Variants in CHN2 observed in about 807,000 individuals in gnomAD.
CHN2 encodes the protein beta-chimaerin.
In CHN2, 35 loss-of-function variants were observed where a neutral mutation model predicts 56.3. The observed-to-expected ratio is 0.62, with a 90% CI of 0.47 to 0.82. The LOEUF is 0.82. CHN2 is among the 40% of genes least tolerant of loss of function. The pLI, the probability that CHN2 is intolerant of heterozygous loss-of-function variation, is 0.00. For missense variants in CHN2, 491 were observed against 580.5 expected (o/e 0.85, Z 1.58); for synonymous variants, 210 against 212.8 (o/e 0.99, Z 0.12).
At chr7:29,158,172 T>G (rs1222674541) in intron 2 of CHN2, among the ~76,000 whole-genome samples, 1 of 152,020 alleles carries the variant, frequency 6.6e-6, no homozygotes, top group African/African-American at 2.4e-5. Context: ...TAGAGTTGAG[T>G]ATATTAAGAA....
intron 6 of CHN2, among the ~76,000 whole-genome samples, chr7:29,462,528 C>A (rs1455903026): frequency 6.6e-6 from 1 of 152,148 alleles, no homozygotes; most frequent in Admixed American, 6.5e-5. Context: ...ACATTTGGCA[C>A]CTGAGCTGGG....
intron 1 of CHN2, among the ~76,000 whole-genome samples, chr7:29,279,369 T>C (rs928545342): frequency 2.0e-5 from 3 of 152,238 alleles, no homozygotes; most frequent in Non-Finnish European, 4.4e-5. Context: ...AAACTATTGC[T>C]ATAGGTGGCA....
chr7:29,303,362 C>T (rs1186633683), intron 1 of CHN2, among the ~76,000 whole-genome samples: 1 of 152,174 alleles, frequency 6.6e-6, no homozygotes, highest in Non-Finnish European at 1.5e-5. Flanking sequence ...TGTGCTGGGG[C>T]ACTAGGACCC....
At chr7:29,235,981 A>G (rs1392213577) in intron 1 of CHN2, among the ~76,000 whole-genome samples, 1 of 152,212 alleles carries the variant, frequency 6.6e-6, no homozygotes, top group African/African-American at 2.4e-5. Flanking sequence ...CCAAACCCCC[A>G]TGACACACAG....
At chr7:29,478,967 G>A (rs1322948732) in intron 6 of CHN2, among the ~76,000 whole-genome samples, 1 of 152,162 alleles carries the variant, frequency 6.6e-6, no homozygotes, top group Non-Finnish European at 1.5e-5. Context: ...TGCTTGGAGG[G>A]ACTGCAGCAT....
intron 6 of CHN2, among the ~76,000 whole-genome samples, chr7:29,435,966 C>T (rs956607002): frequency 2.1e-5 from 3 of 145,648 alleles, no homozygotes; most frequent in Admixed American, 7.1e-5. Flanking sequence ...AGGAGATAAT[C>T]GGCCCAGAAT....
intron 6 of CHN2, among the ~76,000 whole-genome samples, chr7:29,469,230 T>C (rs1321203564): frequency 6.6e-6 from 1 of 152,182 alleles, no homozygotes; most frequent in Non-Finnish European, 1.5e-5. Flanking sequence ...CCTTATCACC[T>C]CCACTGCTCC....
At chr7:29,195,293 T>C (rs1319622858) in intron 1 of CHN2, 4 of 346,696 alleles carry the variant, frequency 1.2e-5, no homozygotes, top group Non-Finnish European at 2.1e-5. Context: ...GCTCGCACTT[T>C]CTGGCGCAGC....
intron 1 of CHN2, among the ~76,000 whole-genome samples, chr7:29,238,017 T>C (rs971536332): frequency 3.5e-5 from 5 of 141,330 alleles, no homozygotes; most frequent in African/African-American, 7.7e-5. Context: ...TGTATTCTCT[T>C]TTTTTTTTTT....
intron 1 of CHN2, among the ~76,000 whole-genome samples, chr7:29,291,520 C>A (rs1166602488): frequency 2.0e-5 from 3 of 151,980 alleles, no homozygotes; most frequent in Non-Finnish European, 4.4e-5. Flanking sequence ...TCAGACTGTT[C>A]CCATTAAATT....
At chr7:29,463,522 G>A (rs926221322) in intron 6 of CHN2, among the ~76,000 whole-genome samples, 5 of 152,164 alleles carry the variant, frequency 3.3e-5, no homozygotes, top group African/African-American at 1.2e-4. Flanking sequence ...CAGGGCTATG[G>A]GTAAAAGGGC....
intron 6 of CHN2, among the ~76,000 whole-genome samples, chr7:29,420,559 CAAAT>C (rs979362309): frequency 9.9e-5 from 15 of 152,236 alleles, no homozygotes; most frequent in African/African-American, 3.6e-4. Context: ...TATACTAAGA[CAAAT>C]ACTGTCTTAA....
chr7:29,414,717 C>T (rs890868767), intron 6 of CHN2, among the ~76,000 whole-genome samples: 2 of 152,208 alleles, frequency 1.3e-5, no homozygotes, highest in Non-Finnish European at 2.9e-5. Context: ...CTCCCTCTCC[C>T]TAGCTGTGTC....
intron 1 of CHN2, among the ~76,000 whole-genome samples, chr7:29,228,161 C>T (rs534055536): frequency 8.2e-4 from 117 of 142,672 alleles, no homozygotes; most frequent in Middle Eastern, 3.6e-3. Flanking sequence ...TATATATATA[C>T]ACACACACAC....
intron 6 of CHN2, among the ~76,000 whole-genome samples, chr7:29,421,282 T>A (rs1427195669): frequency 6.6e-6 from 1 of 152,166 alleles, no homozygotes; most frequent in Non-Finnish European, 1.5e-5. Flanking sequence ...CTGGGACTGT[T>A]CAGATCTTCA....
intron 1 of CHN2, among the ~76,000 whole-genome samples, chr7:29,272,052 C>T (rs1032714826): frequency 7.2e-5 from 11 of 152,108 alleles, no homozygotes; most frequent in Non-Finnish European, 4.4e-5. Flanking sequence ...TTCCAAGGTC[C>T]GTGGAACCTG....
intron 9 of CHN2, 48 bp from the exon 10 acceptor site, chr7:29,504,696 T>TA: frequency 1.6e-6 from 2 of 1,237,222 alleles, no homozygotes; most frequent in Non-Finnish European, 2.3e-6. Flanking sequence ...TTTTTTTTTT[T>TA]AGATGTTTCA....
chr7:29,176,839 C>T (rs896855135), intron 2 of CHN2, among the ~76,000 whole-genome samples: 3 of 152,260 alleles, frequency 2.0e-5, no homozygotes, highest in East Asian at 1.9e-4. Flanking sequence ...GGGAAAGCAA[C>T]CTCTTGCTCT....
chr7:29,286,579 C>A (rs1352787974), intron 1 of CHN2, among the ~76,000 whole-genome samples: 1 of 152,108 alleles, frequency 6.6e-6, no homozygotes, highest in Non-Finnish European at 1.5e-5. Flanking sequence ...ACCAGCCACA[C>A]CTTATATTAA....
Sources: allele counts gnomAD v4.1 joint callset (sites outside exome capture counted in the v4.1 genomes callset), GRCh38; gene constraint gnomAD v4.1.1; transcripts MANE v1.5; gene names NCBI Gene and HGNC (gene_info 2026-07-23, HGNC 2026-07-21).